Variants in EXOC4 observed in about 807,000 individuals in gnomAD.
EXOC4 encodes the protein SEC8-like 1.
In EXOC4, 71 loss-of-function variants were observed where a neutral mutation model predicts 107.2. The ratio of observed to expected loss-of-function variants is 0.66; its 90% CI spans 0.55 to 0.81. The LOEUF is 0.81. Ranked by LOEUF, EXOC4 falls within the 30% of genes least tolerant of loss-of-function variation. The probability of loss-of-function intolerance (pLI) is 0.00; values close to 1 mark genes in which losing one functional copy is unlikely to be tolerated. For missense variants in EXOC4, 1,108 were observed against 1,189.6 expected, an observed-to-expected ratio of 0.93 and a Z score of 1.01; for synonymous variants, 456 against 441.2, an observed-to-expected ratio of 1.03 and a Z score of -0.42.
At chr7:133,818,658 G>A (rs1435886140) in intron 11 of EXOC4, among the ~76,000 whole-genome samples, 1 of 152,138 alleles carries the variant, frequency 6.6e-6, no homozygotes, top group Non-Finnish European at 1.5e-5. Flanking sequence ...AAGGGGGAAT[G>A]CCAAAGGAAC....
chr7:133,356,450 C>T lies in EXOC4; in HGVS notation c.884C>T (p.Thr295Ile). Reference sequence around the variant, plus strand: ...GCGAAACTGAAGAAGATCCCAGAAACAGTTAAGGCAATCATAGAGCGCTTG... The same window carrying T: ...GCGAAACTGAAGAAGATCCCAGAAATAGTTAAGGCAATCATAGAGCGCTTG... ...GLAKLKKIPE[T>I]VKAIIERLEQ... Residue 295 changes from threonine (T) to isoleucine (I), a missense_variant, in exon 6 of 18, where the codon ACA becomes ATA. Transcript: ENST00000253861. 2 of 1,614,110 alleles carry T rather than the reference C, an allele frequency of 1.2e-6. No homozygotes were observed. Among genetic ancestry groups the T allele is most frequent in the Non-Finnish European group, 8.5e-7 (1 of 1,180,010 alleles).
At chr7:133,288,725 A>G (rs1794337005) in intron 2 of EXOC4, among the ~76,000 whole-genome samples, 197 bp from the exon 3 acceptor site, 1 of 152,166 alleles carries the variant, frequency 6.6e-6, no homozygotes, top group East Asian at 1.9e-4. Flanking sequence ...GTGAAATTAG[A>G]GAGAGGTGGA....
intron 6 of EXOC4, among the ~76,000 whole-genome samples, chr7:133,358,936 G>A (rs989229430): frequency 4.6e-5 from 7 of 152,236 alleles, no homozygotes; most frequent in African/African-American, 1.7e-4. Flanking sequence ...TCCCTGTTAA[G>A]TGTCTTTCGT....
At chr7:133,269,744 T>C (rs1245714676) in intron 1 of EXOC4, among the ~76,000 whole-genome samples, 1 of 152,210 alleles carries the variant, frequency 6.6e-6, no homozygotes, top group East Asian at 1.9e-4. Context: ...ATTAGAAAGA[T>C]AGTGTTCATG....
At chr7:133,976,961 T>C (rs1308165164) in intron 14 of EXOC4, among the ~76,000 whole-genome samples, 3 of 152,220 alleles carry the variant, frequency 2.0e-5, no homozygotes, top group Admixed American at 2.0e-4. Context: ...AGAGCTAAGC[T>C]TTTCTGCCTT....
chr7:133,284,887 G>C (rs1284740520), intron 2 of EXOC4, among the ~76,000 whole-genome samples: 1 of 152,080 alleles, frequency 6.6e-6, no homozygotes, highest in Non-Finnish European at 1.5e-5. Context: ...TAAAAGACTG[G>C]ACTCTCCTAC....
chr7:133,457,201 A>T (rs771640129), intron 7 of EXOC4, among the ~76,000 whole-genome samples: 3 of 152,186 alleles, frequency 2.0e-5, no homozygotes, highest in Non-Finnish European at 1.5e-5. Context: ...AGATGTTGGA[A>T]TGAGCTTACT....
At chr7:133,781,472 C>G (rs1216543866) in intron 10 of EXOC4, among the ~76,000 whole-genome samples, 1 of 152,220 alleles carries the variant, frequency 6.6e-6, no homozygotes, top group African/African-American at 2.4e-5. Context: ...GTTGTGTTTC[C>G]TTGAAGATAT....
At chr7:133,512,036 C>T (rs536389113) in intron 9 of EXOC4, among the ~76,000 whole-genome samples, 1 of 152,314 alleles carries the variant, frequency 6.6e-6, no homozygotes, top group South Asian at 2.1e-4. Flanking sequence ...GGATCCTACT[C>T]TCCTGGAGAT....
chr7:134,078,295 GA>G, the EXOC4 span, among the ~76,000 whole-genome samples: 2 of 150,352 alleles, frequency 1.3e-5, no homozygotes, highest in African/African-American at 2.4e-5. Context: ...CACATAAACA[GA>G]AAAAAAACTA....
chr7:133,533,531 A>G (rs1481132701), intron 9 of EXOC4, among the ~76,000 whole-genome samples: 1 of 152,118 alleles, frequency 6.6e-6, no homozygotes, highest in Non-Finnish European at 1.5e-5. Context: ...GGCAGAATAT[A>G]TTAATGGACT....
intron 11 of EXOC4, among the ~76,000 whole-genome samples, chr7:133,851,288 T>G (rs1274883577): frequency 6.6e-6 from 1 of 152,184 alleles, no homozygotes; most frequent in African/African-American, 2.4e-5. Flanking sequence ...GTCAAAAATG[T>G]TACAAAGAAA....
intron 10 of EXOC4, among the ~76,000 whole-genome samples, chr7:133,701,997 C>CTTTTTTTTTTTTTT (rs71162021): frequency 7.5e-5 from 5 of 66,608 alleles, no homozygotes; most frequent in South Asian, 7.3e-4. Context: ...TTCTTTCTTT[C>CTTTTTTTTTTTTTT]TTTTTTTTTT....
Position 133,616,076 on chromosome 7 carries a change from A to G in EXOC4, c.1418-13969A>G, listed in dbSNP as rs140386631. On this transcript the variant is annotated intron_variant, in intron 9 of 17. Coordinates refer to ENST00000253861, the MANE Select transcript of EXOC4 (RefSeq NM_021807.4). Reference sequence around the variant, plus strand: ...GCCAGTCTGTTTACCTATCTTATTAATATTGGCCTATTTTGTAGAGGAACA... The same window carrying G: ...GCCAGTCTGTTTACCTATCTTATTAGTATTGGCCTATTTTGTAGAGGAACA... 3.4e-4 allele frequency among the ~76,000 whole-genome samples: 52 copies of G among 152,236 alleles called. No individual in the cohort carries two copies. In the East Asian group the frequency reaches 6.9e-3, roughly 20 times the overall value.
At chr7:133,671,524 G>A (rs1410672891) in intron 10 of EXOC4, among the ~76,000 whole-genome samples, 7 of 152,034 alleles carry the variant, frequency 4.6e-5, no homozygotes, top group East Asian at 1.9e-4. Flanking sequence ...CCAAGTTCAC[G>A]CCACTGCACT....
intron 9 of EXOC4, among the ~76,000 whole-genome samples, chr7:133,527,678 C>T (rs534295002): frequency 1.8e-4 from 28 of 152,006 alleles, no homozygotes; most frequent in Non-Finnish European, 3.5e-4. Context: ...CAGTAGGTTT[C>T]GGTTCATTTT....
chr7:133,485,221 A>G (rs1335449008), intron 9 of EXOC4, among the ~76,000 whole-genome samples: 1 of 151,624 alleles, frequency 6.6e-6, no homozygotes, highest in East Asian at 1.9e-4. Flanking sequence ...TTTCTCTTCA[A>G]CTCCAGTCCA....
At chr7:133,860,268 T>G (rs1171443695) in intron 11 of EXOC4, among the ~76,000 whole-genome samples, 1 of 152,222 alleles carries the variant, frequency 6.6e-6, no homozygotes, top group Admixed American at 6.5e-5. Flanking sequence ...GGAGAACATC[T>G]GGTCACACAG....
intron 10 of EXOC4, among the ~76,000 whole-genome samples, chr7:133,773,467 A>T (rs190724454): frequency 9.9e-4 from 145 of 146,476 alleles, no homozygotes; most frequent in Middle Eastern, 6.9e-3. Flanking sequence ...CTAGGTTTTT[A>T]TTATTATTAT....
Sources: gnomAD v4.1 joint callset for allele counts (sites outside exome capture counted in the v4.1 genomes callset) on GRCh38, gnomAD v4.1.1 for gene constraint, MANE v1.5 for transcripts, NCBI Gene and HGNC (gene_info 2026-07-23, HGNC 2026-07-21) for gene names.